Variants in DLGAP2 observed in about 807,000 individuals in gnomAD.
DLGAP2 encodes the protein disks large-associated protein 2.
DLGAP2 carries 26 observed loss-of-function variants against 100.3 expected under a neutral mutation model. That is an observed-to-expected ratio of 0.26 (90% CI 0.19 to 0.36). The LOEUF (loss-of-function observed/expected upper bound fraction) is 0.36, where lower values mean the gene tolerates loss of function less well. Among genes scored for constraint, DLGAP2 ranks in the 10% least tolerant of loss-of-function variants. The pLI is 1.00. For synonymous variants in DLGAP2, 886 were observed against 630.1 expected (o/e 1.41, Z -6.08); for missense variants, 1,858 against 1,453.2 (o/e 1.28, Z -4.53).
At chr8:1,448,652 G>A (rs1168131391) in intron 3 of DLGAP2, among the ~76,000 whole-genome samples, 8 of 152,108 alleles carry the variant, frequency 5.3e-5, no homozygotes, top group African/African-American at 1.9e-4. Flanking sequence ...AAATAATACG[G>A]CTAAATAAAT....
intron 2 of DLGAP2, among the ~76,000 whole-genome samples, chr8:967,683 G>A (rs11992700): frequency 2.8e-5 from 4 of 145,342 alleles, no homozygotes; most frequent in African/African-American, 1.0e-4. Flanking sequence ...AAATACCTAT[G>A]TACATTTATT....
chr8:1,704,438 C>T lies in DLGAP2; in HGVS notation c.*3032C>T, dbSNP rs922584547. 2 of 152,206 alleles carry T rather than the reference C, an allele frequency of 1.3e-5. No homozygotes were observed. The highest frequency in any genetic ancestry group is 6.5e-5 in the Admixed American group (1 of 15,282). The allele number at this position is 152,206 out of a possible 1,614,324, so 9.4% of individuals were successfully genotyped here. A position where few individuals can be genotyped will look rare whatever the true frequency, so the allele number is the denominator to read the frequency against. On this transcript the variant is annotated 3_prime_UTR_variant, in exon 15 of 15. Coordinates refer to ENST00000637795, the MANE Select transcript of DLGAP2 (RefSeq NM_001346810.2). ...CACAAGTATGATAAACAGGACCTAG[C>T]GTTTAGCCCGGGAAAGGAGAATGCT...
intron 1 of DLGAP2, among the ~76,000 whole-genome samples, chr8:838,129 A>G (rs1489902464): frequency 6.6e-6 from 1 of 152,086 alleles, no homozygotes; most frequent in Non-Finnish European, 1.5e-5. Flanking sequence ...AAATTTATGC[A>G]GACTCCTGAT....
At chr8:1,288,161 T>C (rs1799982669) in intron 3 of DLGAP2, among the ~76,000 whole-genome samples, 1 of 140,828 alleles carries the variant, frequency 7.1e-6, no homozygotes, top group Non-Finnish European at 1.5e-5. Context: ...TGTGTGTGTT[T>C]CTGTTAGGAG....
At chr8:1,199,837 C>G (rs7843841) in intron 2 of DLGAP2, among the ~76,000 whole-genome samples, 74,569 of 151,706 alleles carry the variant, frequency 0.49, 18,391 homozygotes, top group Middle Eastern at 0.67. Flanking sequence ...AAAAAAATAA[C>G]TCTTAGAAAC....
At chr8:1,463,396 C>G (rs1037174825) in intron 3 of DLGAP2, among the ~76,000 whole-genome samples, 2 of 152,224 alleles carry the variant, frequency 1.3e-5, no homozygotes, top group South Asian at 2.1e-4. Flanking sequence ...GAGAAAGCCA[C>G]TCAGAGAGAA....
chr8:1,299,112 G>A (rs1174613972), intron 3 of DLGAP2, among the ~76,000 whole-genome samples: 3 of 152,238 alleles, frequency 2.0e-5, no homozygotes, highest in Non-Finnish European at 2.9e-5. Flanking sequence ...ACATCTAAAT[G>A]TGTATGGTAC....
chr8:1,605,610 G>A (rs6558498), intron 6 of DLGAP2, among the ~76,000 whole-genome samples: 1 of 151,838 alleles, frequency 6.6e-6, no homozygotes, highest in African/African-American at 2.4e-5. Context: ...TTTATACCCT[G>A]CCCCTTTCCA....
At chr8:896,249 G>A (rs1395474587) in intron 1 of DLGAP2, among the ~76,000 whole-genome samples, 4 of 151,238 alleles carry the variant, frequency 2.6e-5, no homozygotes, top group Non-Finnish European at 5.9e-5. Flanking sequence ...GGGCAGTGGT[G>A]AGAGGTGTCA....
intron 2 of DLGAP2, among the ~76,000 whole-genome samples, chr8:1,152,561 G>C (rs1053831536): frequency 1.3e-5 from 2 of 152,062 alleles, no homozygotes; most frequent in Non-Finnish European, 2.9e-5. Flanking sequence ...GTGCAAAGCA[G>C]TGAGTAAGGT....
chr8:1,613,901 G>C (rs1292139559), intron 6 of DLGAP2, among the ~76,000 whole-genome samples: 1 of 152,174 alleles, frequency 6.6e-6, no homozygotes, highest in Non-Finnish European at 1.5e-5. Context: ...CAAAAATGTT[G>C]AATGCCAAAG....
At chr8:1,596,312 G>T (rs1796458310) in intron 6 of DLGAP2, among the ~76,000 whole-genome samples, 1 of 152,126 alleles carries the variant, frequency 6.6e-6, no homozygotes. Context: ...TTGCTATTGT[G>T]AATAGTGCTG....
At chr8:983,266 T>C (rs1800391426) in intron 2 of DLGAP2, among the ~76,000 whole-genome samples, 1 of 152,040 alleles carries the variant, frequency 6.6e-6, no homozygotes, top group Non-Finnish European at 1.5e-5. Flanking sequence ...ATCCACGTGT[T>C]GGTGGAAGGT....
chr8:1,519,314 A>T (rs1445558519), intron 4 of DLGAP2, among the ~76,000 whole-genome samples: 1 of 14,780 alleles, frequency 6.8e-5, no homozygotes, highest in African/African-American at 4.4e-4. Flanking sequence ...TGGAAATCTT[A>T]AAAAAAAAAT....
intron 3 of DLGAP2, among the ~76,000 whole-genome samples, chr8:1,279,935 G>C (rs1258893830): frequency 6.6e-6 from 1 of 152,202 alleles, no homozygotes; most frequent in East Asian, 1.9e-4. Flanking sequence ...TTGAGAACCA[G>C]GAGGCGCAGA....
chr8:850,369 G>C lies in DLGAP2; in HGVS notation c.19-57543G>C, dbSNP rs150307000. On this transcript the variant is annotated intron_variant, in intron 1 of 14. Transcript: ENST00000637795. ...TTAAAAGTTACGCTGCCTCTTGAAA[G>C]ATTTCTGCACTTTGTGCAGAAATTT... Among the ~76,000 whole-genome samples, 241 of 152,194 alleles carry C rather than the reference G, an allele frequency of 1.6e-3. 2 individuals are homozygous for C. The highest frequency in any genetic ancestry group is 5.7e-3 in the African/African-American group (237 of 41,524).
intron 1 of DLGAP2, among the ~76,000 whole-genome samples, chr8:903,655 G>C (rs1382116459): frequency 2.0e-5 from 3 of 152,122 alleles, no homozygotes; most frequent in East Asian, 1.9e-4. Context: ...TAGTGACTTG[G>C]TGAATGGCAC....
chr8:1,243,706 A>C (rs7005156), intron 2 of DLGAP2, among the ~76,000 whole-genome samples: 117,104 of 152,026 alleles, frequency 0.77, 45,699 homozygotes, highest in Middle Eastern at 0.89. Flanking sequence ...CCGCTGCCTC[A>C]GTCATGCCCT....
intron 2 of DLGAP2, among the ~76,000 whole-genome samples, chr8:923,809 T>C (rs1323121557): frequency 6.6e-6 from 1 of 152,166 alleles, no homozygotes; most frequent in African/African-American, 2.4e-5. Context: ...ACGCTGGCTT[T>C]TAAAATAATT....
Sources: allele counts gnomAD v4.1 joint callset (sites outside exome capture counted in the v4.1 genomes callset), GRCh38; gene constraint gnomAD v4.1.1; transcripts MANE v1.5; gene names NCBI Gene and HGNC (gene_info 2026-07-23, HGNC 2026-07-21).